BANK1: variants seen among roughly 807,000 people sequenced by gnomAD.
The protein encoded by BANK1 is B cell scaffold protein with ankyrin repeats 1, also known as B-cell scaffold protein with ankyrin repeats.
A neutral mutation model predicts 94.5 loss-of-function variants in BANK1; 95 were observed. The observed-to-expected ratio is 1.00, with a 90% confidence interval of 0.85 to 1.19. The LOEUF (loss-of-function observed/expected upper bound fraction) is 1.19, where lower values mean the gene tolerates loss of function less well. Among genes scored for constraint, BANK1 ranks in the 50% most tolerant of loss-of-function variants. BANK1 has a pLI of 0.00. For missense variants in BANK1, 987 were observed against 932.2 expected (o/e 1.06, Z -0.77); for synonymous variants, 334 against 308.4 (o/e 1.08, Z -0.87).
At chr4:101,795,065 T>C (rs1325220276) in intron 1 of BANK1, among the ~76,000 whole-genome samples, 2 of 152,074 alleles carry the variant, frequency 1.3e-5, no homozygotes, top group Non-Finnish European at 2.9e-5. Context: ...TGCCTCATTT[T>C]TTTTTTCATC....
intron 10 of BANK1, among the ~76,000 whole-genome samples, chr4:102,036,258 T>C (rs905284948): frequency 6.6e-6 from 1 of 152,222 alleles, no homozygotes; most frequent in African/African-American, 2.4e-5. Context: ...AAATGTCAAG[T>C]GCAACTCACT....
rs527728099 is a variant in BANK1 at position 102,055,286 on chromosome 4, T to G, written c.1970-4925T>G. 1.6e-4 allele frequency among the ~76,000 whole-genome samples: 24 copies of G among 152,164 alleles called. 1 individual carries two copies. The highest frequency in any genetic ancestry group is 5.1e-4 in the African/African-American group (21 of 41,582). On this transcript the variant is annotated intron_variant, in intron 11 of 16. Transcript: ENST00000322953. Reference sequence around the variant, plus strand: ...TATTTTATTTTAAAAAACATGATGATTTCAGTTGATGAAAAAGACAAAATT... The same window carrying G: ...TATTTTATTTTAAAAAACATGATGAGTTCAGTTGATGAAAAAGACAAAATT...
chr4:101,840,725 G>T (rs1037211609), intron 2 of BANK1, among the ~76,000 whole-genome samples: 1 of 152,052 alleles, frequency 6.6e-6, no homozygotes, highest in Non-Finnish European at 1.5e-5. Flanking sequence ...ATCTCTGTTC[G>T]AGGCTCTCAG....
At chr4:101,944,837 C>G (rs895629499) in intron 7 of BANK1, among the ~76,000 whole-genome samples, 3 of 151,926 alleles carry the variant, frequency 2.0e-5, no homozygotes, top group African/African-American at 7.2e-5. Context: ...CACAATGTAC[C>G]TCAAGAGTGA....
intron 2 of BANK1, among the ~76,000 whole-genome samples, chr4:101,836,760 A>G (rs1465475306): frequency 6.6e-6 from 1 of 152,234 alleles, no homozygotes; most frequent in Non-Finnish European, 1.5e-5. Flanking sequence ...GGAAGATTCT[A>G]CAAAATAATT....
chr4:101,947,653 C>T (rs1306867206), intron 7 of BANK1, among the ~76,000 whole-genome samples: 1 of 151,552 alleles, frequency 6.6e-6, no homozygotes, highest in Non-Finnish European at 1.5e-5. Flanking sequence ...AAATATAATC[C>T]ATAAGATTAA....
At chr4:101,791,991 G>T (rs1454494419) in intron 1 of BANK1, among the ~76,000 whole-genome samples, 1 of 152,148 alleles carries the variant, frequency 6.6e-6, no homozygotes, top group African/African-American at 2.4e-5. Context: ...AGCAGACTTT[G>T]CTAGCATCTA....
intron 2 of BANK1, among the ~76,000 whole-genome samples, chr4:101,831,308 A>C (rs10516485): frequency 6.6e-6 from 1 of 152,148 alleles, no homozygotes; most frequent in East Asian, 1.9e-4. Context: ...TGGATCCAGC[A>C]TAAGTGTTGG....
chr4:101,886,292 C>A (rs1728853001), intron 5 of BANK1, among the ~76,000 whole-genome samples: 1 of 152,124 alleles, frequency 6.6e-6, no homozygotes, highest in Non-Finnish European at 1.5e-5. Flanking sequence ...AGGCACAGCC[C>A]CTTTTTGAGG....
chr4:101,919,799 G>A (rs1722942622), intron 7 of BANK1, among the ~76,000 whole-genome samples: 1 of 151,978 alleles, frequency 6.6e-6, no homozygotes, highest in Non-Finnish European at 1.5e-5. Flanking sequence ...GGAATTGACT[G>A]TAGCTGTTGC....
intron 7 of BANK1, 30 bp downstream of exon 7, chr4:101,918,219 T>C: frequency 6.9e-7 from 1 of 1,441,572 alleles, no homozygotes; most frequent in Non-Finnish European, 9.4e-7. Flanking sequence ...TATATCTCTG[T>C]ATATTCTGTT....
intron 11 of BANK1, among the ~76,000 whole-genome samples, chr4:102,057,484 G>A (rs1452436050): frequency 3.3e-5 from 5 of 151,694 alleles, no homozygotes; most frequent in South Asian, 2.1e-4. Context: ...TCAGCCTCCC[G>A]AGTAGCTGGG....
At chr4:101,897,585 A>G (rs2148891887) in intron 6 of BANK1, among the ~76,000 whole-genome samples, 1 of 152,094 alleles carries the variant, frequency 6.6e-6, no homozygotes, top group Admixed American at 6.5e-5. Context: ...TTCCAGGTGA[A>G]GCTGATGCTG....
At chr4:101,950,018 GGTGTGTGTGTGTGTGTGT>G (rs6148602) in intron 7 of BANK1, among the ~76,000 whole-genome samples, 54,270 of 149,314 alleles carry the variant, frequency 0.36, 10,446 homozygotes, top group Non-Finnish European at 0.43. Context: ...GGAAGTAAGG[GGTGTGTGTGTGTGTGTGT>G]GTGTGTGTGT....
intron 11 of BANK1, among the ~76,000 whole-genome samples, chr4:102,048,279 C>T (rs972962410): frequency 6.6e-6 from 1 of 152,000 alleles, no homozygotes; most frequent in Non-Finnish European, 1.5e-5. Context: ...CTTTAAAAAC[C>T]TCCCTGATGA....
At chr4:101,983,287 T>C (rs868438899) in intron 7 of BANK1, among the ~76,000 whole-genome samples, 1 of 152,000 alleles carries the variant, frequency 6.6e-6, no homozygotes, top group Non-Finnish European at 1.5e-5. Flanking sequence ...TAGAGGAAAA[T>C]GTATGGAAAT....
rs55704915 is a variant in BANK1, at chr4:101,803,997, CAAAAAAAAAAAAAA to C, written c.70+13062_70+13075del. Among the ~76,000 whole-genome samples the C allele has an allele frequency of 1.8e-4, 12 of 68,408 alleles. No individual in the cohort carries two copies. The South Asian group carries it at 2.4e-3, about 14-fold the overall frequency. 44.9% of individuals were successfully genotyped at this position (68,408 alleles called of 152,430 possible). On this transcript the variant is annotated intron_variant, in intron 1 of 16. Transcript: ENST00000322953. ...TGGGCGACAGAGCGAGACTCCGTCT[CAAAAAAAAAAAAAA>C]AAAAAAAAAAAAAAGAAATATATAA...
At chr4:102,061,481 G>T (rs914855107) in intron 12 of BANK1, 1 of 152,134 alleles carries the variant, frequency 6.6e-6, no homozygotes, top group African/African-American at 2.4e-5. Context: ...CATTGTTCAT[G>T]ATCAGAATTA....
intron 5 of BANK1, among the ~76,000 whole-genome samples, chr4:101,876,471 C>T (rs554775068): frequency 1.0e-3 from 156 of 152,284 alleles, no homozygotes; most frequent in African/African-American, 3.5e-3. Flanking sequence ...CTCTATGAGT[C>T]TGGAAGAACT....
Sources: gnomAD v4.1 joint callset for allele counts (sites outside exome capture counted in the v4.1 genomes callset) on GRCh38, gnomAD v4.1.1 for gene constraint, MANE v1.5 for transcripts, NCBI Gene and HGNC (gene_info 2026-07-23, HGNC 2026-07-21) for gene names.